The following ZNF503 variants were observed in gnomAD, a reference collection of about 807,000 sequenced individuals.
ZNF503 encodes the protein NocA-like zinc finger 2.
In ZNF503, 15 loss-of-function variants were observed where a neutral mutation model predicts 34.4. That is an observed-to-expected ratio of 0.44 (90% CI 0.29 to 0.67). ZNF503 has a LOEUF of 0.67. Among genes scored for constraint, ZNF503 ranks in the 30% least tolerant of loss-of-function variants. The pLI, the probability that ZNF503 is intolerant of heterozygous loss-of-function variation, is 0.13. For synonymous variants in ZNF503, 580 were observed against 456.8 expected (o/e 1.27, Z -3.44); for missense variants, 1,007 against 926.8 (o/e 1.09, Z -1.12).
the ZNF503 span, among the ~76,000 whole-genome samples, chr10:75,310,861 T>C: frequency 6.6e-6 from 1 of 152,192 alleles, no homozygotes; most frequent in African/African-American, 2.4e-5. Flanking sequence ...AAAAAGTCTG[T>C]TAAAACAGAA....
the ZNF503 span, among the ~76,000 whole-genome samples, chr10:75,390,424 C>A: frequency 0.012 from 1,863 of 149,938 alleles, 15 homozygotes; most frequent in Non-Finnish European, 0.017. Flanking sequence ...TCTCCTCTTT[C>A]TTCTTCCCTC....
the ZNF503 span, among the ~76,000 whole-genome samples, chr10:75,367,441 C>T: frequency 6.6e-6 from 1 of 152,202 alleles, no homozygotes; most frequent in Non-Finnish European, 1.5e-5. Flanking sequence ...GGTTTGGTGG[C>T]GTTTGTGGCT....
chr10:75,327,953 T>A, the ZNF503 span, among the ~76,000 whole-genome samples: 10 of 92,022 alleles, frequency 1.1e-4, no homozygotes, highest in African/African-American at 5.6e-4. Flanking sequence ...TAATAATAAT[T>A]ATTATTATTT....
the ZNF503 span, chr10:75,360,822 T>C: frequency 1.3e-5 from 2 of 152,174 alleles, no homozygotes; most frequent in South Asian, 4.1e-4. Context: ...CAGAATCCAT[T>C]TGGGTCAATG....
chr10:75,373,968 C>G, the ZNF503 span, among the ~76,000 whole-genome samples: 1 of 152,196 alleles, frequency 6.6e-6, no homozygotes, highest in Non-Finnish European at 1.5e-5. Flanking sequence ...GGCTTTGGCT[C>G]TCCACAGTGA....
the ZNF503 span, among the ~76,000 whole-genome samples, chr10:75,385,373 A>G: frequency 3.3e-5 from 5 of 152,218 alleles, no homozygotes; most frequent in Non-Finnish European, 4.4e-5. Flanking sequence ...CCCAACTTTT[A>G]TTTTATTCAC....
chr10:75,386,520 C>A, the ZNF503 span, among the ~76,000 whole-genome samples: 1 of 152,186 alleles, frequency 6.6e-6, no homozygotes, highest in African/African-American at 2.4e-5. Flanking sequence ...TTCATTCTAC[C>A]TTCTCACTGC....
In ZNF503 at chr10:75,401,509, A is replaced by C. The variant is rs1374413519; in HGVS notation, c.-90T>G. ...GCTGCGCGCTCGCCCCGGGAGCAGG[A>C]GCAGCGGGAGGAGGAGGAGCTGGCG... On this transcript the variant is annotated 5_prime_UTR_variant, in exon 1 of 2. Transcript: ENST00000372524. The C allele has an allele frequency of 6.9e-7, 1 of 1,440,890 alleles. No homozygotes were observed. The allele number at this position is 1,440,890 out of a possible 1,614,324, so 89.3% of individuals were successfully genotyped here. A position where few individuals can be genotyped will look rare whatever the true frequency, so the allele number is the denominator to read the frequency against.
At chr10:75,292,105 G>A in the ZNF503 span, among the ~76,000 whole-genome samples, 1 of 152,180 alleles carries the variant, frequency 6.6e-6, no homozygotes, top group Non-Finnish European at 1.5e-5. Context: ...CTGACTCCCT[G>A]GCATGAGGGG....
At chr10:75,371,904 A>G in the ZNF503 span, among the ~76,000 whole-genome samples, 2 of 152,224 alleles carry the variant, frequency 1.3e-5, no homozygotes, top group East Asian at 3.9e-4. Context: ...CATTCAGTCT[A>G]TCTTTCAATT....
chr10:75,350,835 T>G, the ZNF503 span, among the ~76,000 whole-genome samples: 2 of 152,182 alleles, frequency 1.3e-5, no homozygotes, highest in African/African-American at 2.4e-5. Flanking sequence ...ATTACAGGCA[T>G]GAGCCACCGC....
chr10:75,328,438 T>C, the ZNF503 span, among the ~76,000 whole-genome samples: 1 of 152,170 alleles, frequency 6.6e-6, no homozygotes, highest in African/African-American at 2.4e-5. Flanking sequence ...CTTATTCTGT[T>C]CCATTGACCT....
the ZNF503 span, among the ~76,000 whole-genome samples, chr10:75,349,895 GA>G: frequency 3.6e-4 from 55 of 152,362 alleles, 1 homozygote; most frequent in Non-Finnish European, 4.7e-4. Flanking sequence ...GAGTCACCCA[GA>G]AAGCCTGTCG....
chr10:75,373,212 T>A, the ZNF503 span, among the ~76,000 whole-genome samples: 3 of 152,362 alleles, frequency 2.0e-5, no homozygotes, highest in East Asian at 3.9e-4. Context: ...TGCCCAAAGT[T>A]ATGGCTCTAT....
chr10:75,289,938 C>T, the ZNF503 span, among the ~76,000 whole-genome samples: 6 of 152,184 alleles, frequency 3.9e-5, no homozygotes, highest in African/African-American at 1.4e-4. Flanking sequence ...TCACCACCAT[C>T]CTTCTTGAGA....
chr10:75,391,436 A>G, the ZNF503 span, among the ~76,000 whole-genome samples: 1 of 152,180 alleles, frequency 6.6e-6, no homozygotes, highest in African/African-American at 2.4e-5. Flanking sequence ...AGAACTGAAG[A>G]CAGAAGGACC....
At chr10:75,292,832 G>A in the ZNF503 span, among the ~76,000 whole-genome samples, 1 of 152,182 alleles carries the variant, frequency 6.6e-6, no homozygotes, top group Non-Finnish European at 1.5e-5. Context: ...CTGGGATCTC[G>A]TGTCTGCTTC....
the ZNF503 span, among the ~76,000 whole-genome samples, chr10:75,354,142 C>T: frequency 2.6e-5 from 4 of 152,196 alleles, no homozygotes; most frequent in African/African-American, 9.6e-5. Context: ...TCCACTCTCC[C>T]TTGGGAAGCC....
the ZNF503 span, among the ~76,000 whole-genome samples, chr10:75,289,641 A>C: frequency 6.6e-6 from 1 of 152,124 alleles, no homozygotes; most frequent in Admixed American, 6.5e-5. Flanking sequence ...GCTGGAGTGC[A>C]GTGGTGTGAT....
Sources: allele counts gnomAD v4.1 joint callset (sites outside exome capture counted in the v4.1 genomes callset), GRCh38; gene constraint gnomAD v4.1.1; transcripts MANE v1.5; gene names NCBI Gene and HGNC (gene_info 2026-07-23, HGNC 2026-07-21).